Variants in ZBTB20 observed in about 807,000 individuals in gnomAD.
The protein encoded by ZBTB20 is zinc finger and BTB domain containing 20.
A neutral mutation model predicts 56.9 loss-of-function variants in ZBTB20; 9 were observed. The ratio of observed to expected loss-of-function variants is 0.16; its 90% CI spans 0.10 to 0.28. The LOEUF is 0.28. Among genes scored for constraint, ZBTB20 ranks in the 10% least tolerant of loss-of-function variants. ZBTB20 has a pLI of 1.00. For missense variants in ZBTB20, 655 were observed against 1,003.0 expected (o/e 0.65, Z 4.69); for synonymous variants, 417 against 420.7 (o/e 0.99, Z 0.11).
chr3:114,665,334 C>T (rs2060987373), intron 6 of ZBTB20, among the ~76,000 whole-genome samples: 1 of 151,976 alleles, frequency 6.6e-6, no homozygotes, highest in Admixed American at 6.6e-5. Context: ...ATAAGTTATA[C>T]TATATAGCCT....
At chr3:114,549,203 C>G (rs999866128) in intron 6 of ZBTB20, among the ~76,000 whole-genome samples, 4 of 152,126 alleles carry the variant, frequency 2.6e-5, no homozygotes, top group African/African-American at 9.7e-5. Flanking sequence ...TTCAGATAGT[C>G]TCATTCACTT....
intron 6 of ZBTB20, chr3:114,582,018 A>G (rs1222784070): frequency 6.6e-6 from 1 of 152,230 alleles, no homozygotes; most frequent in African/African-American, 2.4e-5. Context: ...TTAGTAATAC[A>G]TACAGAAGAA....
At chr3:114,780,751 G>T (rs2108772793) in intron 5 of ZBTB20, among the ~76,000 whole-genome samples, 1 of 152,290 alleles carries the variant, frequency 6.6e-6, no homozygotes, top group South Asian at 2.1e-4. Context: ...CTCCCAAAGT[G>T]CTGGGATTAC....
Position 114,646,531 on chromosome 3 carries a change from C to T in ZBTB20, c.-295+46997G>A, listed in dbSNP as rs566147178. Among the ~76,000 whole-genome samples, 19 of 152,214 alleles carry T rather than the reference C, an allele frequency of 1.2e-4. No individual in the cohort carries two copies. The South Asian group carries it at 2.7e-3, about 22-fold the overall frequency. On this transcript the variant is annotated intron_variant, in intron 6 of 11. Coordinates refer to ENST00000675478, the MANE Select transcript of ZBTB20 (RefSeq NM_001348800.3). ...TTGACAGAATGTGGTGAAAGCAAGA[C>T]ACATCATAAAATAAGCCAAAAAAAA...
intron 4 of ZBTB20, among the ~76,000 whole-genome samples, chr3:114,860,111 A>C (rs2075448618): frequency 6.6e-6 from 1 of 152,154 alleles, no homozygotes; most frequent in East Asian, 1.9e-4. Context: ...GATCAAGACC[A>C]TCCTGGCCAA....
chr3:114,546,533 G>C (rs1437278565), intron 6 of ZBTB20, among the ~76,000 whole-genome samples: 2 of 150,266 alleles, frequency 1.3e-5, no homozygotes, highest in East Asian at 4.0e-4. Flanking sequence ...GATATGCAGT[G>C]AGTCCTTCCT....
intron 5 of ZBTB20, chr3:114,791,572 C>G (rs2070959496): frequency 6.6e-6 from 1 of 152,150 alleles, no homozygotes; most frequent in South Asian, 2.1e-4. Context: ...GAAGAGAACA[C>G]TGATGGTAAC....
chr3:114,926,657 T>C (rs1329244613), intron 3 of ZBTB20, among the ~76,000 whole-genome samples: 2 of 152,166 alleles, frequency 1.3e-5, no homozygotes, highest in African/African-American at 4.8e-5. Context: ...AGGTAATAAG[T>C]ACATTTACAG....
chr3:114,646,940 G>GTTTTATTTTA (rs557474010), intron 6 of ZBTB20, among the ~76,000 whole-genome samples: 4 of 151,966 alleles, frequency 2.6e-5, no homozygotes, highest in Non-Finnish European at 5.9e-5. Context: ...AATCAAGGCA[G>GTTTTATTTTA]TTTTATTTTA....
At chr3:114,627,131 C>T (rs774534652) in intron 6 of ZBTB20, among the ~76,000 whole-genome samples, 1 of 152,172 alleles carries the variant, frequency 6.6e-6, no homozygotes, top group Non-Finnish European at 1.5e-5. Flanking sequence ...ACTCCTAAGC[C>T]CTCTCTTGTA....
At chr3:114,724,818 A>G (rs2108509130) in intron 5 of ZBTB20, among the ~76,000 whole-genome samples, 1 of 152,314 alleles carries the variant, frequency 6.6e-6, no homozygotes, top group Middle Eastern at 3.4e-3. Context: ...GGAAGATTTG[A>G]TTTGCCAAAG....
At position 114,612,209 on chromosome 3, in the gene ZBTB20, C is replaced by T. The variant is rs139434255; in HGVS notation, c.-295+81319G>A. Among the ~76,000 whole-genome samples the T allele has an allele frequency of 1.7e-3, 258 of 152,324 alleles. 1 individual carries two copies. Among genetic ancestry groups the T allele is most frequent in the African/African-American group, 5.9e-3 (244 of 41,574 alleles). Reference sequence around the variant, plus strand: ...CTAAAGTTCTCCGTCTACTATTAATCAAGCCTTCTATACTCCTTTCTAGGC... The same window carrying T: ...CTAAAGTTCTCCGTCTACTATTAATTAAGCCTTCTATACTCCTTTCTAGGC... On this transcript the variant is annotated intron_variant, in intron 6 of 11. Coordinates refer to ENST00000675478, the MANE Select transcript of ZBTB20 (RefSeq NM_001348800.3).
At chr3:114,736,732 A>G (rs2066187335) in intron 5 of ZBTB20, among the ~76,000 whole-genome samples, 1 of 152,148 alleles carries the variant, frequency 6.6e-6, no homozygotes. Flanking sequence ...ATGGATGTAC[A>G]TGGTGGGAAT....
rs532395917 is a variant in ZBTB20 at position 114,890,264 on chromosome 3, T to C, written c.-417+10040A>G. Reference sequence around the variant, plus strand: ...TAAAAATCAGCTTCTTAAAAAATTATTGTTCTTAAATAAATTTAAAAAGAA... The same window carrying C: ...TAAAAATCAGCTTCTTAAAAAATTACTGTTCTTAAATAAATTTAAAAAGAA... On this transcript the variant is annotated intron_variant, in intron 4 of 11. Coordinates refer to ENST00000675478, the MANE Select transcript of ZBTB20 (RefSeq NM_001348800.3). 2.0e-4 allele frequency among the ~76,000 whole-genome samples: 30 copies of C among 152,348 alleles called. No homozygotes were observed. The South Asian group carries it at 5.4e-3, about 27-fold the overall frequency.
At chr3:114,373,015 C>G (rs2083212173) in intron 10 of ZBTB20, among the ~76,000 whole-genome samples, 1 of 152,018 alleles carries the variant, frequency 6.6e-6, no homozygotes, top group Non-Finnish European at 1.5e-5. Flanking sequence ...CTCCTGGGTT[C>G]AAGCGATTCT....
At chr3:114,434,894 C>A (rs1015548746) in intron 7 of ZBTB20, among the ~76,000 whole-genome samples, 5 of 152,110 alleles carry the variant, frequency 3.3e-5, no homozygotes, top group Admixed American at 2.6e-4. Context: ...TGTCTGGCAT[C>A]TTTCCTGATT....
intron 1 of ZBTB20, among the ~76,000 whole-genome samples, chr3:115,142,981 T>C (rs1333684647): frequency 6.6e-6 from 1 of 152,022 alleles, no homozygotes; most frequent in East Asian, 1.9e-4. Context: ...TGTATTTGGC[T>C]AACAAAGTAA....
chr3:114,946,692 C>A (rs911998613), intron 3 of ZBTB20, among the ~76,000 whole-genome samples: 1 of 145,462 alleles, frequency 6.9e-6, no homozygotes, highest in Admixed American at 6.6e-5. Context: ...CATAGTACTA[C>A]GTCTTTTAAA....
chr3:114,999,628 A>T (rs1413533181), intron 2 of ZBTB20, among the ~76,000 whole-genome samples: 2 of 151,672 alleles, frequency 1.3e-5, no homozygotes, highest in African/African-American at 2.4e-5. Flanking sequence ...AACTGTGGTA[A>T]CTAGCTTGAA....
Sources: gnomAD v4.1 joint callset for allele counts (sites outside exome capture counted in the v4.1 genomes callset) on GRCh38, gnomAD v4.1.1 for gene constraint, MANE v1.5 for transcripts, NCBI Gene and HGNC (gene_info 2026-07-23, HGNC 2026-07-21) for gene names.